FOXP1: variants seen among roughly 807,000 people sequenced by gnomAD.
FOXP1 encodes the protein forkhead box P1, also known as forkhead box protein P1.
FOXP1 carries 15 observed loss-of-function variants against 98.2 expected under a neutral mutation model. That is an observed-to-expected ratio of 0.15 (90% CI 0.10 to 0.24). The LOEUF (loss-of-function observed/expected upper bound fraction) is 0.24. FOXP1 is among the 10% of genes least tolerant of loss of function. FOXP1 has a pLI of 1.00. For missense variants in FOXP1, 633 were observed against 848.5 expected (o/e 0.75, Z 3.15); for synonymous variants, 371 against 314.5 (o/e 1.18, Z -1.90).
chr3:71,563,936 G>A (rs761752491), intron 2 of FOXP1, among the ~76,000 whole-genome samples: 3 of 152,222 alleles, frequency 2.0e-5, no homozygotes, highest in Non-Finnish European at 4.4e-5. Flanking sequence ...TGAATGGCAC[G>A]TGTGAATACC....
intron 3 of FOXP1, among the ~76,000 whole-genome samples, chr3:71,434,467 C>A (rs2085022102): frequency 6.6e-6 from 1 of 152,122 alleles, no homozygotes; most frequent in Non-Finnish European, 1.5e-5. Flanking sequence ...CCAGGAAGTA[C>A]CTGAGGCCTT....
chr3:71,286,092 C>A (rs1318106292), intron 5 of FOXP1, among the ~76,000 whole-genome samples: 1 of 152,170 alleles, frequency 6.6e-6, no homozygotes, highest in East Asian at 1.9e-4. Flanking sequence ...AGCACTGTTA[C>A]CTAATGTCAG....
chr3:70,964,218 A>G (rs1252463783), intron 20 of FOXP1, among the ~76,000 whole-genome samples: 1 of 152,244 alleles, frequency 6.6e-6, no homozygotes. Context: ...CTTGTAAAAA[A>G]TAGTTGAAAC....
At chr3:70,969,104 AGAGGATG>A (rs1272466707) in intron 19 of FOXP1, 1 of 149,720 alleles carries the variant, frequency 6.7e-6, no homozygotes, top group Non-Finnish European at 1.5e-5. Flanking sequence ...AAGAGAATTC[AGAGGATG>A]GAGGATCACT....
chr3:70,977,673 T>A lies in FOXP1; in HGVS notation c.1398A>T (p.Pro466=), dbSNP rs768583428. The part of the protein sequence containing the change: ...QEFYKNAEVR[P]PFTYASLIRQ... ...TAATTAAAGATGCATATGTAAATGGTGGTCTAACTTCTGCGTTCTTATAAA... is the reference window on the plus strand; with the variant it reads ...TAATTAAAGATGCATATGTAAATGGAGGTCTAACTTCTGCGTTCTTATAAA... The change falls in exon 16 of 21, where the codon CCA becomes CCT. Residue 466 remains proline, a synonymous_variant. Coordinates refer to ENST00000649528, the MANE Select transcript of FOXP1 (RefSeq NM_001349338.3). The A allele has an allele frequency of 1.9e-6, 3 of 1,613,956 alleles. No homozygotes were observed. The highest frequency in any genetic ancestry group is 1.3e-5 in the African/African-American group (1 of 74,938).
In FOXP1 at chr3:71,015,572, G is replaced by A. The variant is rs772943067; in HGVS notation, c.951C>T (p.Cys317=). ...VCKWPGCEAV[C]EDFQSFLKHL... is the part of the protein sequence containing the mutation. The stretch of plus-strand genomic sequence containing the variant: ...ACTTTAGAAATGATTGGAAATCTTC[G>A]CACACTGCTTCACAGCCTGGCCACT... The change falls in exon 12 of 21, where the codon TGC becomes TGT. Residue 317 remains cysteine, a synonymous_variant. Coordinates refer to ENST00000649528, the MANE Select transcript of FOXP1 (RefSeq NM_001349338.3). 1.2e-5 allele frequency: 19 copies of A among 1,611,272 alleles called. No homozygotes were observed. The highest frequency in any genetic ancestry group is 2.7e-5 in the African/African-American group (2 of 74,784).
intron 3 of FOXP1, among the ~76,000 whole-genome samples, chr3:71,410,518 T>C (rs1056374578): frequency 2.0e-5 from 3 of 152,234 alleles, no homozygotes; most frequent in African/African-American, 7.2e-5. Flanking sequence ...CTTCATTCAC[T>C]ATAAGCTGTG....
At chr3:71,357,767 T>G (rs2078264228) in intron 4 of FOXP1, among the ~76,000 whole-genome samples, 1 of 152,218 alleles carries the variant, frequency 6.6e-6, no homozygotes, top group Admixed American at 6.5e-5. Flanking sequence ...ACCTTGAAGA[T>G]GAAGGAACGC....
rs555243231 is a variant in FOXP1 at position 70,956,323 on chromosome 3, A to C, written c.*2924T>G. 4.3e-6 allele frequency: 1 copy of C among 233,034 alleles called. No homozygotes were observed. The highest frequency in any genetic ancestry group is 6.1e-5 in the East Asian group (1 of 16,492). The allele number at this position is 233,034 out of a possible 1,614,324, so 14.4% of individuals were successfully genotyped here. On this transcript the variant is annotated 3_prime_UTR_variant, in exon 21 of 21. Transcript: ENST00000649528. ...ATCAGAATTGTAAAAATCATAGTGA[A>C]GTTTGCTTGCTGTAAAGCCTGAGAA...
At chr3:71,471,302 T>A (rs143721183) in intron 3 of FOXP1, among the ~76,000 whole-genome samples, 1 of 151,466 alleles carries the variant, frequency 6.6e-6, no homozygotes, top group Non-Finnish European at 1.5e-5. Context: ...TTATATGTTA[T>A]AGTAAACATA....
intron 6 of FOXP1, among the ~76,000 whole-genome samples, chr3:71,185,188 G>A (rs114619553): frequency 0.018 from 2,712 of 150,830 alleles, 87 homozygotes; most frequent in African/African-American, 0.06. Context: ...CCACGACTCC[G>A]TCTCAAAAAA....
chr3:71,069,644 A>G (rs2052976546), intron 7 of FOXP1, among the ~76,000 whole-genome samples: 1 of 152,118 alleles, frequency 6.6e-6, no homozygotes, highest in Non-Finnish European at 1.5e-5. Context: ...CATCACTGCC[A>G]CCACCACCAC....
intron 5 of FOXP1, among the ~76,000 whole-genome samples, chr3:71,284,000 C>G (rs2071839032): frequency 6.6e-6 from 1 of 151,792 alleles, no homozygotes; most frequent in African/African-American, 2.4e-5. Flanking sequence ...TAAGAACAGC[C>G]TAAAGAAACA....
chr3:71,468,497 A>T (rs2089005092), intron 3 of FOXP1, among the ~76,000 whole-genome samples: 2 of 152,134 alleles, frequency 1.3e-5, no homozygotes, highest in South Asian at 4.1e-4. Context: ...GTCTCTGGAG[A>T]ACAGCGGGGT....
At chr3:71,158,960 T>C (rs953025491) in intron 6 of FOXP1, among the ~76,000 whole-genome samples, 1 of 151,572 alleles carries the variant, frequency 6.6e-6, no homozygotes, top group Non-Finnish European at 1.5e-5. Context: ...ACAAAAATGA[T>C]CTGGGCAAGA....
chr3:71,562,436 G>A (rs1468843017), intron 2 of FOXP1, among the ~76,000 whole-genome samples: 1 of 152,182 alleles, frequency 6.6e-6, no homozygotes, highest in Non-Finnish European at 1.5e-5. Flanking sequence ...CCAGGCTGGG[G>A]ATGTGAACCA....
intron 2 of FOXP1, among the ~76,000 whole-genome samples, chr3:71,521,329 C>G (rs886153317): frequency 6.6e-6 from 1 of 152,132 alleles, no homozygotes; most frequent in African/African-American, 2.4e-5. Flanking sequence ...GAGTTTGAGA[C>G]CAGCCTGGCC....
chr3:71,361,511 C>T (rs752686469), intron 3 of FOXP1, among the ~76,000 whole-genome samples: 3 of 152,132 alleles, frequency 2.0e-5, no homozygotes, highest in Non-Finnish European at 4.4e-5. Context: ...ATTTATGAGC[C>T]GTGTTAATAA....
chr3:71,262,460 A>C (rs1203729577), intron 5 of FOXP1, among the ~76,000 whole-genome samples: 1 of 151,988 alleles, frequency 6.6e-6, no homozygotes, highest in African/African-American at 2.4e-5. Flanking sequence ...TAAGCAATAG[A>C]ATTTTTATAC....
Sources: gnomAD v4.1 joint callset for allele counts (sites outside exome capture counted in the v4.1 genomes callset) on GRCh38, gnomAD v4.1.1 for gene constraint, MANE v1.5 for transcripts, NCBI Gene and HGNC (gene_info 2026-07-23, HGNC 2026-07-21) for gene names.